Variants in VSTM2B observed in about 807,000 individuals in gnomAD.
The protein encoded by VSTM2B is V-set and transmembrane domain-containing protein 2B.
Under a neutral mutation model 24.0 loss-of-function variants are expected in VSTM2B, and 24 were observed. The ratio of observed to expected loss-of-function variants is 1.00; its 90% CI spans 0.72 to 1.40. The LOEUF is 1.40. VSTM2B is among the 40% of genes most tolerant of loss of function. The pLI, the probability that VSTM2B is intolerant of heterozygous loss-of-function variation, is 0.00. For missense variants in VSTM2B, 399 were observed against 416.4 expected, an observed-to-expected ratio of 0.96 and a Z score of 0.36; for synonymous variants, 226 against 194.4, an observed-to-expected ratio of 1.16 and a Z score of -1.35.
At chr19:29,533,630 G>A (rs759988551) in intron 4 of VSTM2B, among the ~76,000 whole-genome samples, 6 of 152,204 alleles carry the variant, frequency 3.9e-5, no homozygotes, top group East Asian at 1.9e-4. Flanking sequence ...AAACACATCC[G>A]AACAGCCTTG....
In VSTM2B at chr19:29,528,462, C is replaced by T. The variant is rs1401027330; in HGVS notation, c.297C>T (p.Ser99=). The stretch of plus-strand genomic sequence containing the variant: ...CAAATAAGGATGCAACTAAAATCAG[C>T]GTAAGTGTGGAGCCCAGCGCGGGCC... ...KVTNKDATKI[S]TVRVQGNDIS... Residue 99 remains serine, a splice_region_variant and synonymous_variant, in exon 3 of 5, where the codon AGC becomes AGT. Coordinates refer to ENST00000335523, the MANE Select transcript of VSTM2B (RefSeq NM_001146339.2). 6.4e-7 allele frequency: 1 copy of T among 1,551,030 alleles called. No individual in the cohort carries two copies. The highest frequency in any genetic ancestry group is 2.0e-5 in the Admixed American group (1 of 51,014).
chr19:29,563,914 C>A lies in VSTM2B; in HGVS notation c.838C>A (p.Arg280Ser). The A allele has an allele frequency of 6.4e-7, 1 of 1,552,378 alleles. No individual in the cohort carries two copies. Among genetic ancestry groups the A allele is most frequent in the Non-Finnish European group, 8.7e-7 (1 of 1,147,130 alleles). Residue 280 changes from arginine to serine, a missense_variant, in exon 5 of 5, where the codon CGC becomes AGC. Arg to Ser is a moderately radical substitution (Grantham distance 110). Coordinates refer to ENST00000335523, the MANE Select transcript of VSTM2B (RefSeq NM_001146339.2). Reference sequence around the variant, plus strand: ...CCTGTTAGCTCTGCATAAGTTCCTGCGCCTGCTCTTGGGACATTGACAGAC... The same window carrying A: ...CCTGTTAGCTCTGCATAAGTTCCTGAGCCTGCTCTTGGGACATTGACAGAC... ...LLLLALHKFL[R>S]LLLGH
chr19:29,538,099 C>T (rs1401937756), intron 4 of VSTM2B, among the ~76,000 whole-genome samples: 38 of 152,224 alleles, frequency 2.5e-4, no homozygotes, highest in Admixed American at 2.5e-3. Flanking sequence ...AATTTGCCCC[C>T]TTTCTGGGCC....
At chr19:29,535,562 G>A (rs941989752) in intron 4 of VSTM2B, among the ~76,000 whole-genome samples, 2 of 152,178 alleles carry the variant, frequency 1.3e-5, no homozygotes, top group Non-Finnish European at 2.9e-5. Flanking sequence ...AGACAGCCAA[G>A]GCCATGGGTA....
intron 4 of VSTM2B, among the ~76,000 whole-genome samples, chr19:29,531,872 C>T (rs900267152): frequency 2.6e-5 from 4 of 152,368 alleles, no homozygotes; most frequent in South Asian, 2.1e-4. Flanking sequence ...GGGCATGTGG[C>T]GGCTCTGTTC....
At chr19:29,531,916 C>A (rs1969770473) in intron 4 of VSTM2B, among the ~76,000 whole-genome samples, 1 of 152,228 alleles carries the variant, frequency 6.6e-6, no homozygotes, top group Admixed American at 6.5e-5. Flanking sequence ...GCTGAGAGTA[C>A]CAGCCTCAGC....
At chr19:29,542,407 A>G (rs907890079) in intron 4 of VSTM2B, among the ~76,000 whole-genome samples, 10 of 151,724 alleles carry the variant, frequency 6.6e-5, no homozygotes, top group Admixed American at 5.9e-4. Flanking sequence ...GGATGGGAGA[A>G]TGAATGGATG....
intron 2 of VSTM2B, among the ~76,000 whole-genome samples, chr19:29,528,193 G>T (rs552282373): frequency 6.6e-6 from 1 of 152,316 alleles, no homozygotes; most frequent in East Asian, 1.9e-4. Flanking sequence ...CCCCAGTTCA[G>T]CCGGCAGGTG....
chr19:29,551,572 C>A (rs1245689000), intron 4 of VSTM2B, among the ~76,000 whole-genome samples: 4 of 152,106 alleles, frequency 2.6e-5, no homozygotes, highest in African/African-American at 9.7e-5. Context: ...AAATTAATAT[C>A]TTAATTGATA....
At chr19:29,557,828 A>C (rs1342229580) in intron 4 of VSTM2B, among the ~76,000 whole-genome samples, 1 of 152,240 alleles carries the variant, frequency 6.6e-6, no homozygotes, top group South Asian at 2.1e-4. Flanking sequence ...AGCAATTGCA[A>C]CAAAAGCAAA....
chr19:29,556,033 A>G (rs1008886083), intron 4 of VSTM2B, among the ~76,000 whole-genome samples: 5 of 151,942 alleles, frequency 3.3e-5, no homozygotes, highest in Non-Finnish European at 7.4e-5. Flanking sequence ...ATTGAAAAGG[A>G]GGGACTTCTC....
chr19:29,537,337 C>T (rs1018130444), intron 4 of VSTM2B, among the ~76,000 whole-genome samples: 4 of 152,152 alleles, frequency 2.6e-5, no homozygotes, highest in Non-Finnish European at 5.9e-5. Context: ...GGTGTAGCTG[C>T]TGTTAAACAG....
At chr19:29,528,655 C>T (rs1002208867) in intron 3 of VSTM2B, among the ~76,000 whole-genome samples, 193 bp downstream of exon 3, 4 of 152,252 alleles carry the variant, frequency 2.6e-5, no homozygotes, top group Admixed American at 2.0e-4. Context: ...GTCGGGTTCT[C>T]TTTTGTGTAA....
intron 4 of VSTM2B, among the ~76,000 whole-genome samples, chr19:29,544,519 C>G (rs1970100056): frequency 1.3e-5 from 1 of 79,416 alleles, no homozygotes; most frequent in African/African-American, 5.9e-5. Context: ...GAGCGAGACT[C>G]TGTCTCAAAA....
chr19:29,551,141 T>G (rs916319856), intron 4 of VSTM2B, among the ~76,000 whole-genome samples: 1 of 152,074 alleles, frequency 6.6e-6, no homozygotes, highest in Non-Finnish European at 1.5e-5. Flanking sequence ...GCCCACAGGG[T>G]AGGAGTGGCC....
chr19:29,531,250 C>A (rs926015839), intron 4 of VSTM2B, among the ~76,000 whole-genome samples: 2 of 152,210 alleles, frequency 1.3e-5, no homozygotes, highest in Admixed American at 1.3e-4. Flanking sequence ...TGCTCCCTCC[C>A]TTGGCCCCTC....
At chr19:29,545,313 T>C (rs1194427550) in intron 4 of VSTM2B, among the ~76,000 whole-genome samples, 2 of 152,032 alleles carry the variant, frequency 1.3e-5, no homozygotes, top group South Asian at 2.1e-4. Flanking sequence ...GTGCTTTGCA[T>C]GTGAAAAGAG....
intron 4 of VSTM2B, among the ~76,000 whole-genome samples, chr19:29,552,941 G>A (rs78909352): frequency 2.0e-4 from 31 of 152,302 alleles, no homozygotes; most frequent in Non-Finnish European, 3.2e-4. Flanking sequence ...ACAGCCAGGC[G>A]TATAGGGACA....
At chr19:29,548,814 C>T (rs1970207422) in intron 4 of VSTM2B, among the ~76,000 whole-genome samples, 1 of 152,234 alleles carries the variant, frequency 6.6e-6, no homozygotes, top group African/African-American at 2.4e-5. Flanking sequence ...AGATAGGATG[C>T]ATACCAGGCC....
Sources: allele counts gnomAD v4.1 joint callset (sites outside exome capture counted in the v4.1 genomes callset), GRCh38; gene constraint gnomAD v4.1.1; transcripts MANE v1.5; gene names NCBI Gene and HGNC (gene_info 2026-07-23, HGNC 2026-07-21).